Variants in TAF2 observed in about 807,000 individuals in gnomAD.
TAF2 encodes the protein transcription initiation factor TFIID subunit 2.
A neutral mutation model predicts 138.5 loss-of-function variants in TAF2; 61 were observed. The ratio of observed to expected loss-of-function variants is 0.44; its 90% CI spans 0.36 to 0.54. The LOEUF is 0.54. Among genes scored for constraint, TAF2 ranks in the 20% least tolerant of loss-of-function variants. The pLI is 0.00. For synonymous variants in TAF2, 475 were observed against 469.9 expected, an observed-to-expected ratio of 1.01 and a Z score of -0.14; for missense variants, 1,090 against 1,427.9, an observed-to-expected ratio of 0.76 and a Z score of 3.81.
intron 16 of TAF2, 131 bp from the exon 17 acceptor site, chr8:119,781,324 A>G (rs1368196749): frequency 2.4e-5 from 26 of 1,072,856 alleles, no homozygotes; most frequent in South Asian, 7.3e-5. Flanking sequence ...TCAGAAATTT[A>G]TAACAATTTA....
chr8:119,775,747 C>T (rs1822184250), intron 18 of TAF2, among the ~76,000 whole-genome samples: 1 of 151,696 alleles, frequency 6.6e-6, no homozygotes, highest in Admixed American at 6.6e-5. Context: ...ACGTTGATTG[C>T]TGAAAAAACT....
chr8:119,758,943 A>G (rs1315312203), intron 20 of TAF2, among the ~76,000 whole-genome samples: 1 of 152,156 alleles, frequency 6.6e-6, no homozygotes, highest in Non-Finnish European at 1.5e-5. Flanking sequence ...AATTACATCT[A>G]TTAAAGTTTA....
chr8:119,796,100 G>A (rs758531178), intron 8 of TAF2, among the ~76,000 whole-genome samples: 1 of 150,950 alleles, frequency 6.6e-6, no homozygotes, highest in Non-Finnish European at 1.5e-5. Flanking sequence ...GCTTTCTCTA[G>A]AAAAATGGCA....
chr8:119,773,254 T>A (rs1019164918), intron 18 of TAF2, among the ~76,000 whole-genome samples: 1 of 151,524 alleles, frequency 6.6e-6, no homozygotes, highest in Non-Finnish European at 1.5e-5. Context: ...GCTATTCTTA[T>A]AATACACTAC....
intron 2 of TAF2, among the ~76,000 whole-genome samples, chr8:119,820,910 G>C (rs1825768937): frequency 6.6e-6 from 1 of 152,162 alleles, no homozygotes; most frequent in African/African-American, 2.4e-5. Flanking sequence ...TAGGAAGGAA[G>C]ACCAGAATTC....
chr8:119,831,542 C>G, intron 2 of TAF2, 135 bp downstream of exon 2: 1 of 608,662 alleles, frequency 1.6e-6, no homozygotes, highest in Admixed American at 2.5e-5. Context: ...TCATACAGAC[C>G]CTAATTTTAA....
intron 7 of TAF2, among the ~76,000 whole-genome samples, chr8:119,797,344 G>C (rs1215984280): frequency 6.6e-6 from 1 of 152,074 alleles, no homozygotes; most frequent in South Asian, 2.1e-4. Flanking sequence ...TTTTTAAATA[G>C]TGCTAGAAAA....
intron 25 of TAF2, among the ~76,000 whole-genome samples, chr8:119,734,122 G>C (rs1202644667): frequency 6.6e-6 from 1 of 152,104 alleles, no homozygotes; most frequent in East Asian, 1.9e-4. Flanking sequence ...TGCCTAAAAT[G>C]TCAACAGTGT....
rs1317372856 is a variant in TAF2, at chr8:119,806,319, T to C, written c.382A>G (p.Ile128Val). The change falls in exon 4 of 26, where the codon ATT becomes GTT. Residue 128 changes from isoleucine (I) to valine (V), a missense_variant. Physicochemically the swap from Ile to Val is conservative, Grantham distance 29. Coordinates refer to ENST00000378164, the MANE Select transcript of TAF2 (RefSeq NM_003184.4). Reference protein sequence around the residue: ...DPDAGNGELCIKVPSELWKHV... With the variant: ...DPDAGNGELCVKVPSELWKHV... Reference sequence around the variant, plus strand: ...TTCCATAGCTCTGATGGAACCTTAATGCAAAGTTCTCCATTTCCTGCATCA... The same window carrying C: ...TTCCATAGCTCTGATGGAACCTTAACGCAAAGTTCTCCATTTCCTGCATCA... 1.2e-6 allele frequency: 2 copies of C among 1,614,128 alleles called. No homozygotes were observed. The highest frequency in any genetic ancestry group is 1.3e-5 in the African/African-American group (1 of 75,020).
At position 119,758,139 on chromosome 8, in the gene TAF2, T is replaced by C. The variant is rs747203981; in HGVS notation, c.2702A>G (p.Asp901Gly). 1 of 1,610,634 alleles carries C rather than the reference T, an allele frequency of 6.2e-7. No individual in the cohort carries two copies. The highest frequency in any genetic ancestry group is 8.5e-7 in the Non-Finnish European group (1 of 1,177,750). Residue 901 changes from aspartate (D) to glycine (G), a missense_variant, in exon 21 of 26, where the codon GAC becomes GGC. This residue lies in a region of TAF2 where 580 missense variants were observed against 719.6 expected (regional missense o/e 0.81). Coordinates refer to ENST00000378164, the MANE Select transcript of TAF2 (RefSeq NM_003184.4). ...LEAVVDYTKV[D>G]RSYEELQWLL... is the part of the protein sequence containing the mutation. ...CCATTGCAGTTCTTCATAACTTCTG[T>C]CCACTGAAAATAAAAGAAAATATAT...
chr8:119,793,927 C>A, intron 9 of TAF2, among the ~76,000 whole-genome samples: 1 of 146,624 alleles, frequency 6.8e-6, no homozygotes. Context: ...GGGTTGGGGG[C>A]AGTTGTTTTG....
At position 119,748,055 on chromosome 8, in the gene TAF2, C is replaced by T. The variant is rs558855859; in HGVS notation, c.2879-1121G>A. ...AGGAGAATCGCTTAAACCCAGGAGGCAGAGGCTGCAGTGAGCCAAGATTGC... is the reference window on the plus strand; with the variant it reads ...AGGAGAATCGCTTAAACCCAGGAGGTAGAGGCTGCAGTGAGCCAAGATTGC... On this transcript the variant is annotated intron_variant, in intron 22 of 25. Transcript: ENST00000378164. 3.3e-3 allele frequency among the ~76,000 whole-genome samples: 501 copies of T among 151,892 alleles called. 2 individuals are homozygous for T. Among genetic ancestry groups the T allele is most frequent in the Middle Eastern group, 0.017 (5 of 294 alleles).
intron 19 of TAF2, among the ~76,000 whole-genome samples, chr8:119,761,198 T>C (rs558678192): frequency 3.3e-5 from 5 of 152,314 alleles, no homozygotes; most frequent in Admixed American, 2.6e-4. Flanking sequence ...TTTCATATGT[T>C]TGGATATGTT....
At chr8:119,788,511 G>A (rs1159076632) in intron 13 of TAF2, 64 bp from the exon 14 acceptor site, 1 of 1,192,040 alleles carries the variant, frequency 8.4e-7, no homozygotes, top group Non-Finnish European at 1.2e-6. Flanking sequence ...GTATGCTTAT[G>A]TGTACAGAGA....
At chr8:119,817,425 C>T (rs6469848) in intron 3 of TAF2, among the ~76,000 whole-genome samples, 15,209 of 152,122 alleles carry the variant, frequency 0.1, 1,142 homozygotes, top group African/African-American at 0.21. Flanking sequence ...GAATCTAATG[C>T]CTGATGATCT....
intron 22 of TAF2, 29 bp downstream of exon 22, chr8:119,755,976 TA>T (rs1354060531): frequency 5.3e-6 from 8 of 1,502,632 alleles, no homozygotes; most frequent in Non-Finnish European, 7.4e-6. Flanking sequence ...CTAGTAATAA[TA>T]AAAACAATTT....
chr8:119,758,509 G>C (rs964355340), intron 20 of TAF2, among the ~76,000 whole-genome samples: 1 of 152,112 alleles, frequency 6.6e-6, no homozygotes. Context: ...TTAAATGATG[G>C]AGAGGTTTGA....
intron 3 of TAF2, among the ~76,000 whole-genome samples, chr8:119,808,692 T>C (rs1190530631): frequency 2.0e-5 from 3 of 152,228 alleles, no homozygotes; most frequent in South Asian, 2.1e-4. Flanking sequence ...GCAGAATAGA[T>C]GTTATGTTAG....
chr8:119,771,057 C>T (rs1032818280), intron 18 of TAF2, among the ~76,000 whole-genome samples: 1 of 151,736 alleles, frequency 6.6e-6, no homozygotes. Flanking sequence ...GGCGACAGAG[C>T]GAGACTCCGT....
Sources: gnomAD v4.1 joint callset for allele counts (sites outside exome capture counted in the v4.1 genomes callset) on GRCh38, gnomAD v4.1.1 for gene constraint, gnomAD v4.1.1 regional missense constraint, MANE v1.5 for transcripts, NCBI Gene and HGNC (gene_info 2026-07-23, HGNC 2026-07-21) for gene names.